AFG2A: variants seen among roughly 807,000 people sequenced by gnomAD.
The protein encoded by AFG2A is AAA ATPase AFG2A, also known as ATPase family gene 2 protein homolog A.
chr4:123,066,373 G>A, the AFG2A span, among the ~76,000 whole-genome samples: 154 of 151,998 alleles, frequency 1.0e-3, 2 homozygotes, highest in South Asian at 0.031. Flanking sequence ...TTTTTATGGT[G>A]GTTTATAAAA....
chr4:123,200,274 C>A, the AFG2A span, among the ~76,000 whole-genome samples: 1 of 152,328 alleles, frequency 6.6e-6, no homozygotes, highest in South Asian at 2.1e-4. Context: ...AAAGGAAAGT[C>A]CACATTTTCT....
At chr4:123,016,547 C>T in the AFG2A span, among the ~76,000 whole-genome samples, 1 of 151,240 alleles carries the variant, frequency 6.6e-6, no homozygotes, top group African/African-American at 2.4e-5. Flanking sequence ...AGACGCTCCT[C>T]ACTTCCTAGA....
chr4:123,060,884 G>C, the AFG2A span, among the ~76,000 whole-genome samples: 1 of 152,102 alleles, frequency 6.6e-6, no homozygotes, highest in Non-Finnish European at 1.5e-5. Flanking sequence ...CATCTTGACT[G>C]CTTTGCTGCT....
the AFG2A span, among the ~76,000 whole-genome samples, chr4:123,164,751 T>C: frequency 6.6e-6 from 1 of 152,202 alleles, no homozygotes; most frequent in Admixed American, 6.5e-5. Flanking sequence ...ATTTTTAATT[T>C]ACTTTAATAA....
chr4:123,285,222 A>C, the AFG2A span, among the ~76,000 whole-genome samples: 2 of 152,084 alleles, frequency 1.3e-5, no homozygotes, highest in Non-Finnish European at 2.9e-5. Flanking sequence ...TCCATCTGTC[A>C]GAATTCGTAC....
the AFG2A span, among the ~76,000 whole-genome samples, chr4:123,123,322 G>A: frequency 6.6e-6 from 1 of 152,026 alleles, no homozygotes; most frequent in Middle Eastern, 3.2e-3. Context: ...TCAAGTTCCT[G>A]CCTATTTAAC....
the AFG2A span, among the ~76,000 whole-genome samples, chr4:122,942,169 C>T: frequency 5.6e-3 from 845 of 150,646 alleles, 3 homozygotes; most frequent in Middle Eastern, 0.031. Context: ...GGGAGGATTC[C>T]CTCTTTTTCT....
At chr4:123,004,190 A>T in the AFG2A span, among the ~76,000 whole-genome samples, 1 of 152,062 alleles carries the variant, frequency 6.6e-6, no homozygotes, top group South Asian at 2.1e-4. Context: ...GGAGTGGCCC[A>T]ATTTTCCAGG....
the AFG2A span, among the ~76,000 whole-genome samples, chr4:122,936,726 T>A: frequency 2.0e-5 from 3 of 152,196 alleles, no homozygotes; most frequent in Non-Finnish European, 4.4e-5. Context: ...ACGCCTGTAA[T>A]CCCAGCACTT....
chr4:123,103,584 T>G, the AFG2A span, among the ~76,000 whole-genome samples: 1 of 152,100 alleles, frequency 6.6e-6, no homozygotes, highest in Non-Finnish European at 1.5e-5. Flanking sequence ...TGTTTCATTT[T>G]TAAAAATACA....
chr4:122,939,310 G>C, the AFG2A span, among the ~76,000 whole-genome samples: 1 of 151,690 alleles, frequency 6.6e-6, no homozygotes, highest in East Asian at 2.0e-4. Context: ...TCGAGCTCCT[G>C]ACCTCAGGTG....
chr4:122,983,093 C>G, the AFG2A span, among the ~76,000 whole-genome samples: 1 of 151,964 alleles, frequency 6.6e-6, no homozygotes, highest in African/African-American at 2.4e-5. Context: ...GTCTCAAACT[C>G]CTGACCTCAT....
chr4:122,988,539 C>G, the AFG2A span, among the ~76,000 whole-genome samples: 1 of 151,742 alleles, frequency 6.6e-6, no homozygotes, highest in East Asian at 1.9e-4. Flanking sequence ...GCTGGCATTA[C>G]AGGCACACGC....
the AFG2A span, among the ~76,000 whole-genome samples, chr4:123,100,719 A>G: frequency 6.6e-6 from 1 of 151,952 alleles, no homozygotes; most frequent in South Asian, 2.1e-4. Context: ...ACAACAACAA[A>G]GGTGAAAAGC....
At chr4:123,099,372 C>G in the AFG2A span, among the ~76,000 whole-genome samples, 1 of 151,792 alleles carries the variant, frequency 6.6e-6, no homozygotes, top group African/African-American at 2.4e-5. Flanking sequence ...TCCCATTAGT[C>G]TATTTTTTCT....
the AFG2A span, among the ~76,000 whole-genome samples, chr4:123,211,653 G>T: frequency 0.57 from 87,185 of 152,020 alleles, 27,439 homozygotes; most frequent in Non-Finnish European, 0.69. Context: ...GATAAGTCAT[G>T]TAAATTTTTT....
the AFG2A span, among the ~76,000 whole-genome samples, chr4:123,007,610 A>G: frequency 0.045 from 657 of 14,698 alleles, 7 homozygotes; most frequent in East Asian, 0.12. Context: ...GTGTGTGTGT[A>G]TATATATATA....
At chr4:123,053,673 G>C in the AFG2A span, among the ~76,000 whole-genome samples, 506 of 152,028 alleles carry the variant, frequency 3.3e-3, 3 homozygotes, top group Middle Eastern at 0.014. Flanking sequence ...CAGCAGGTCC[G>C]TACATAGATG....
At chr4:123,074,149 A>G in the AFG2A span, among the ~76,000 whole-genome samples, 7 of 127,798 alleles carry the variant, frequency 5.5e-5, no homozygotes, top group African/African-American at 2.0e-4. Flanking sequence ...GCTGGAGTGC[A>G]GTGGCGCGAA....
Sources: allele counts gnomAD v4.1 joint callset (sites outside exome capture counted in the v4.1 genomes callset), GRCh38; gene constraint gnomAD v4.1.1; transcripts MANE v1.5; gene names NCBI Gene and HGNC (gene_info 2026-07-23, HGNC 2026-07-21).